Variants in ZNF804B observed in about 807,000 individuals in gnomAD.
ZNF804B encodes zinc finger 804B.
A neutral mutation model predicts 101.4 loss-of-function variants in ZNF804B; 80 were observed. That is an observed-to-expected ratio of 0.79 (90% CI 0.66 to 0.95). The LOEUF (loss-of-function observed/expected upper bound fraction) is 0.95, where lower values mean the gene tolerates loss of function less well. Among genes scored for constraint, ZNF804B ranks in the 40% least tolerant of loss-of-function variants. The pLI, the probability that ZNF804B is intolerant of heterozygous loss-of-function variation, is 0.00. For synonymous variants in ZNF804B, 622 were observed against 558.8 expected, an observed-to-expected ratio of 1.11 and a Z score of -1.59; for missense variants, 1,673 against 1,561.9, an observed-to-expected ratio of 1.07 and a Z score of -1.20.
Position 88,973,612 on chromosome 7 carries a change from A to G in ZNF804B, c.108+213528A>G, listed in dbSNP as rs117579438. On this transcript the variant is annotated intron_variant, in intron 1 of 3. Transcript: ENST00000333190. ...AGTTACAAGACATAGATATGCCATT[A>G]GCAAGAGATTGAAAAGTGAATTATT... Among the ~76,000 whole-genome samples, 98 of 151,428 alleles carry G rather than the reference A, an allele frequency of 6.5e-4. No homozygotes were observed. The East Asian group carries it at 0.017, about 26-fold the overall frequency.
chr7:89,319,630 C>T (rs2115965012), intron 2 of ZNF804B, among the ~76,000 whole-genome samples: 1 of 152,284 alleles, frequency 6.6e-6, no homozygotes, highest in East Asian at 1.9e-4. Context: ...TACTCTAGGA[C>T]TTTTAGCAAG....
intron 1 of ZNF804B, among the ~76,000 whole-genome samples, chr7:88,965,090 A>G (rs933344996): frequency 1.3e-5 from 2 of 151,486 alleles, no homozygotes; most frequent in Non-Finnish European, 3.0e-5. Context: ...ACTCTTAAAT[A>G]TTAAAGGGTA....
At chr7:88,854,476 T>TTTCTTTCTTTCTTTTTCTCTTTCCTTTC (rs1554340148) in intron 1 of ZNF804B, among the ~76,000 whole-genome samples, 1 of 48,718 alleles carries the variant, frequency 2.1e-5, no homozygotes, top group African/African-American at 1.1e-4. Context: ...TCTTTCTTTC[T>TTTCTTTCTTTCTTTTTCTCTTTCCTTTC]CTTTCCTTTC....
chr7:88,789,761 G>T (rs923461972), intron 1 of ZNF804B, among the ~76,000 whole-genome samples: 3 of 152,124 alleles, frequency 2.0e-5, no homozygotes, highest in Admixed American at 6.6e-5. Context: ...CTTCCTTGTG[G>T]AAGTTGGGGC....
At chr7:89,000,565 G>T (rs1239786574) in intron 1 of ZNF804B, among the ~76,000 whole-genome samples, 1 of 151,834 alleles carries the variant, frequency 6.6e-6, no homozygotes, top group Non-Finnish European at 1.5e-5. Flanking sequence ...GCCTCACTGT[G>T]CTGTATATTA....
At chr7:89,215,873 G>C (rs1788885819) in intron 1 of ZNF804B, among the ~76,000 whole-genome samples, 1 of 122,256 alleles carries the variant, frequency 8.2e-6, no homozygotes, top group Non-Finnish European at 1.7e-5. Context: ...AACAGAGAGA[G>C]ACTCCGTCTC....
chr7:88,993,686 A>G (rs888946667), intron 1 of ZNF804B, among the ~76,000 whole-genome samples: 5 of 152,058 alleles, frequency 3.3e-5, no homozygotes, highest in Non-Finnish European at 5.9e-5. Flanking sequence ...AAATTCATGT[A>G]CATGCCAAAA....
At chr7:88,787,277 C>G (rs1324836280) in intron 1 of ZNF804B, among the ~76,000 whole-genome samples, 1 of 151,982 alleles carries the variant, frequency 6.6e-6, no homozygotes, top group African/African-American at 2.4e-5. Context: ...TGCTTTTTAT[C>G]CTGAAGGTGA....
intron 1 of ZNF804B, among the ~76,000 whole-genome samples, chr7:89,158,754 G>T (rs4599736): frequency 0.41 from 61,728 of 151,762 alleles, 13,130 homozygotes; most frequent in Non-Finnish European, 0.47. Context: ...TCATCCTCCA[G>T]GTCTTTGCAC....
chr7:89,305,703 T>C (rs1790551248), intron 2 of ZNF804B, among the ~76,000 whole-genome samples: 1 of 152,078 alleles, frequency 6.6e-6, no homozygotes, highest in Non-Finnish European at 1.5e-5. Flanking sequence ...CATATAATGA[T>C]AAAATATCAA....
chr7:89,157,131 T>C (rs1790991399), intron 1 of ZNF804B, among the ~76,000 whole-genome samples: 1 of 152,154 alleles, frequency 6.6e-6, no homozygotes, highest in Non-Finnish European at 1.5e-5. Flanking sequence ...TAAAATAAGA[T>C]TTGCTTAAAA....
rs898615982 is a variant in ZNF804B at position 89,337,999 on chromosome 7, A to G, written c.*967A>G. 5.9e-5 allele frequency among the ~76,000 whole-genome samples: 9 copies of G among 152,158 alleles called. No individual in the cohort carries two copies. The highest frequency in any genetic ancestry group is 1.2e-4 in the Non-Finnish European group (8 of 67,950). ...TTAAATATCTGGTGTGTTTTATTCA[A>G]TTGTACTAGATATTTATGAAACAAT... On this transcript the variant is annotated 3_prime_UTR_variant, in exon 4 of 4. Coordinates refer to ENST00000333190, the MANE Select transcript of ZNF804B (RefSeq NM_181646.5).
chr7:89,214,529 G>A (rs922473195), intron 1 of ZNF804B, among the ~76,000 whole-genome samples: 38 of 151,974 alleles, frequency 2.5e-4, no homozygotes, highest in African/African-American at 7.7e-4. Flanking sequence ...AGAGTAAATC[G>A]TCTTATTTAC....
chr7:88,794,267 G>C, intron 1 of ZNF804B: 1 of 1,613,650 alleles, frequency 6.2e-7, no homozygotes, highest in South Asian at 1.1e-5. Context: ...AATGTTGCCG[G>C]GTCCATGAAT....
intron 1 of ZNF804B, among the ~76,000 whole-genome samples, chr7:88,763,977 ATCAG>A (rs930938772): frequency 3.5e-4 from 53 of 152,192 alleles, no homozygotes; most frequent in African/African-American, 1.2e-3. Flanking sequence ...TAATAACTTA[ATCAG>A]TAATTAAGCT....
intron 1 of ZNF804B, among the ~76,000 whole-genome samples, chr7:89,017,268 C>A (rs1398494004): frequency 2.6e-5 from 4 of 152,182 alleles, no homozygotes; most frequent in African/African-American, 9.6e-5. Flanking sequence ...GATATACAGT[C>A]ATGTCATCTG....
chr7:89,147,321 A>G (rs888793682), intron 1 of ZNF804B, among the ~76,000 whole-genome samples: 2 of 151,914 alleles, frequency 1.3e-5, no homozygotes, highest in Admixed American at 1.3e-4. Context: ...CCAGATCCCT[A>G]TTGGCTTTGT....
chr7:89,335,095 T>G lies in ZNF804B; in HGVS notation c.2113T>G (p.Leu705Val), dbSNP rs778498403. 1 of 1,613,882 alleles carries G rather than the reference T, an allele frequency of 6.2e-7. No individual in the cohort carries two copies. Among genetic ancestry groups the G allele is most frequent in the Admixed American group, 1.7e-5 (1 of 59,894 alleles). ...RYKRYSPQSC[L>V]SRYSSSLDTS... ...CAAGAGATACTCTCCACAGTCATGT[T>G]TGAGTAGATATTCTTCCTCTTTGGA... Residue 705 changes from leucine (L) to valine (V), a missense_variant, in exon 4 of 4, where the codon TTG (leucine) becomes GTG (valine). Leu to Val is a conservative substitution (Grantham distance 32). Transcript: ENST00000333190.
At chr7:89,033,534 C>A (rs964439933) in intron 1 of ZNF804B, among the ~76,000 whole-genome samples, 3 of 152,064 alleles carry the variant, frequency 2.0e-5, no homozygotes, top group Non-Finnish European at 2.9e-5. Context: ...GTGGAACCTA[C>A]ACACAGTTTT....
Sources: allele counts gnomAD v4.1 joint callset (sites outside exome capture counted in the v4.1 genomes callset), GRCh38; gene constraint gnomAD v4.1.1; transcripts MANE v1.5; gene names NCBI Gene and HGNC (gene_info 2026-07-23, HGNC 2026-07-21).